RGS6: variants seen among roughly 807,000 people sequenced by gnomAD.
RGS6 encodes regulator of G-protein signaling 6.
RGS6 carries 30 observed loss-of-function variants against 78.5 expected under a neutral mutation model. The observed-to-expected ratio is 0.38, with a 90% CI of 0.29 to 0.52. The LOEUF (loss-of-function observed/expected upper bound fraction) is 0.52. RGS6 is among the 20% of genes least tolerant of loss of function. The pLI is 0.85. For missense variants in RGS6, 495 were observed against 609.7 expected (o/e 0.81, Z 1.98); for synonymous variants, 206 against 206.0 (o/e 1.00, Z 0.00).
chr14:72,275,554 A>G (rs2060541454), intron 2 of RGS6, among the ~76,000 whole-genome samples: 1 of 152,234 alleles, frequency 6.6e-6, no homozygotes, highest in African/African-American at 2.4e-5. Context: ...ATCAATGTCT[A>G]TAGTCTTAAT....
intron 3 of RGS6, among the ~76,000 whole-genome samples, chr14:72,366,170 T>C (rs2082412086): frequency 6.6e-6 from 1 of 152,098 alleles, no homozygotes; most frequent in Admixed American, 6.5e-5. Flanking sequence ...GAGTTTGAAA[T>C]TTTCCCACCA....
At chr14:72,187,403 C>G (rs2097262193) in intron 2 of RGS6, among the ~76,000 whole-genome samples, 1 of 152,100 alleles carries the variant, frequency 6.6e-6, no homozygotes, top group Non-Finnish European at 1.5e-5. Context: ...CACAGGTGGT[C>G]TATTAGTAGT....
rs1004894468 is a variant in RGS6 at position 72,430,220 on chromosome 14, C to T, written c.185-24308C>T. Among the ~76,000 whole-genome samples the T allele has an allele frequency of 2.1e-4, 32 of 152,182 alleles. 1 individual carries two copies. The highest frequency in any genetic ancestry group is 6.5e-4 in the Admixed American group (10 of 15,282). Reference sequence around the variant, plus strand: ...CAGCCATTCTTTAAAATAACCTTTCCATTCTCCCATCCACTTCGCTCACAC... The same window carrying T: ...CAGCCATTCTTTAAAATAACCTTTCTATTCTCCCATCCACTTCGCTCACAC... On this transcript the variant is annotated intron_variant, in intron 3 of 17. Transcript: ENST00000553525.
At chr14:71,902,276 C>A in the RGS6 span, among the ~76,000 whole-genome samples, 1 of 152,132 alleles carries the variant, frequency 6.6e-6, no homozygotes, top group Non-Finnish European at 1.5e-5. Flanking sequence ...ACATGAGTTG[C>A]CCCACTCACT....
At chr14:71,896,242 A>G in the RGS6 span, among the ~76,000 whole-genome samples, 1 of 152,160 alleles carries the variant, frequency 6.6e-6, no homozygotes, top group Non-Finnish European at 1.5e-5. Flanking sequence ...GTAAAGGAAT[A>G]AAAGAATGGC....
chr14:72,004,668 T>C (rs2084161214), intron 2 of RGS6, among the ~76,000 whole-genome samples: 2 of 151,944 alleles, frequency 1.3e-5, no homozygotes, highest in Admixed American at 1.3e-4. Flanking sequence ...ACCCTGTCTC[T>C]ACAAAAATTA....
chr14:72,120,426 C>T (rs180787499), intron 2 of RGS6, among the ~76,000 whole-genome samples: 220 of 152,232 alleles, frequency 1.4e-3, no homozygotes, highest in Non-Finnish European at 2.3e-3. Context: ...CCCTGAGGTA[C>T]CTCTGTAGAA....
At chr14:72,047,735 C>CT (rs928619006) in intron 2 of RGS6, among the ~76,000 whole-genome samples, 19 of 150,806 alleles carry the variant, frequency 1.3e-4, no homozygotes, top group East Asian at 3.9e-4. Context: ...ATTTCTTTTT[C>CT]TTTTTTTTTG....
At chr14:72,295,041 C>T (rs558817639) in intron 2 of RGS6, among the ~76,000 whole-genome samples, 2 of 152,092 alleles carry the variant, frequency 1.3e-5, no homozygotes, top group Non-Finnish European at 2.9e-5. Flanking sequence ...CCTGTAATCC[C>T]AGCACTTTGG....
At chr14:72,379,873 G>A (rs367761879) in intron 3 of RGS6, among the ~76,000 whole-genome samples, 23 of 152,052 alleles carry the variant, frequency 1.5e-4, no homozygotes, top group African/African-American at 2.4e-4. Flanking sequence ...AATCCTCAGC[G>A]AAAAGAACAT....
intron 12 of RGS6, among the ~76,000 whole-genome samples, chr14:72,494,002 A>G (rs1013217565): frequency 6.6e-6 from 1 of 152,250 alleles, no homozygotes; most frequent in Non-Finnish European, 1.5e-5. Context: ...TTCAACACAG[A>G]AGTGAAGGAA....
At chr14:72,333,404 T>A (rs977710172) in intron 2 of RGS6, among the ~76,000 whole-genome samples, 5 of 152,116 alleles carry the variant, frequency 3.3e-5, no homozygotes, top group African/African-American at 1.2e-4. Context: ...GGACCTGCGT[T>A]GGTATCTCAC....
intron 2 of RGS6, among the ~76,000 whole-genome samples, chr14:71,997,211 G>C (rs754887711): frequency 6.6e-6 from 1 of 152,126 alleles, no homozygotes; most frequent in Non-Finnish European, 1.5e-5. Flanking sequence ...AGAGATGTAT[G>C]AATGATGCTC....
intron 2 of RGS6, among the ~76,000 whole-genome samples, chr14:71,981,381 A>T (rs1373666832): frequency 6.6e-6 from 1 of 151,882 alleles, no homozygotes; most frequent in Admixed American, 6.6e-5. Context: ...TTTTTTCCCC[A>T]TCTTTGTGGT....
chr14:72,202,158 GT>G (rs1271171883), intron 2 of RGS6, among the ~76,000 whole-genome samples: 1 of 152,158 alleles, frequency 6.6e-6, no homozygotes, highest in Non-Finnish European at 1.5e-5. Flanking sequence ...AATATCTCTT[GT>G]TTTGGTGTTT....
the RGS6 span, among the ~76,000 whole-genome samples, chr14:72,601,154 TC>T: frequency 6.6e-6 from 1 of 151,994 alleles, no homozygotes; most frequent in Non-Finnish European, 1.5e-5. Context: ...TAGCCCTTCA[TC>T]CTAACCCGAA....
intron 15 of RGS6, among the ~76,000 whole-genome samples, chr14:72,533,604 C>T (rs1433159879): frequency 6.6e-6 from 1 of 152,174 alleles, no homozygotes; most frequent in Admixed American, 6.5e-5. Context: ...TGGTGGATGC[C>T]ATTAAGAACA....
At chr14:72,322,885 C>T (rs922117873) in intron 2 of RGS6, among the ~76,000 whole-genome samples, 1 of 152,022 alleles carries the variant, frequency 6.6e-6, no homozygotes, top group African/African-American at 2.4e-5. Context: ...ATTATACAGA[C>T]AGAGACATAC....
chr14:71,975,173 T>A (rs1299164497), intron 2 of RGS6, among the ~76,000 whole-genome samples: 1 of 152,076 alleles, frequency 6.6e-6, no homozygotes, highest in Non-Finnish European at 1.5e-5. Context: ...AAGAAAGTCT[T>A]TGTTTCATCT....
Sources: allele counts gnomAD v4.1 joint callset (sites outside exome capture counted in the v4.1 genomes callset), GRCh38; gene constraint gnomAD v4.1.1; transcripts MANE v1.5; gene names NCBI Gene and HGNC (gene_info 2026-07-23, HGNC 2026-07-21).